PLCG2: variants seen among roughly 807,000 people sequenced by gnomAD.
The protein encoded by PLCG2 is phospholipase C gamma 2, also known as 1-phosphatidylinositol 4,5-bisphosphate phosphodiesterase gamma-2.
Under a neutral mutation model 175.6 loss-of-function variants are expected in PLCG2, and 69 were observed. The observed-to-expected ratio is 0.39, with a 90% CI of 0.32 to 0.48. The LOEUF (loss-of-function observed/expected upper bound fraction) is 0.48. Among genes scored for constraint, PLCG2 ranks in the 20% least tolerant of loss-of-function variants. The pLI, the probability that PLCG2 is intolerant of heterozygous loss-of-function variation, is 0.91. For synonymous variants in PLCG2, 827 were observed against 624.0 expected (o/e 1.33, Z -4.85); for missense variants, 1,798 against 1,650.9 (o/e 1.09, Z -1.54).
upstream of PLCG2, among the ~76,000 whole-genome samples, chr16:81,776,101 T>TCTTCTTTCTTTCTTTCTTTCTTTC (rs1910397888): frequency 1.8e-5 from 1 of 55,310 alleles, no homozygotes; most frequent in Non-Finnish European, 4.1e-5. Context: ...TTCTTTCTTT[T>TCTTCTTTCTTTCTTTCTTTCTTTC]TTTCCTTCTT....
At chr16:81,847,467 A>T (rs1444731636) in intron 2 of PLCG2, among the ~76,000 whole-genome samples, 1 of 151,912 alleles carries the variant, frequency 6.6e-6, no homozygotes, top group Admixed American at 6.6e-5. Context: ...CTCTAATCAC[A>T]TCGTTGGTTC....
At chr16:81,818,376 C>T (rs1041060279) in intron 2 of PLCG2, among the ~76,000 whole-genome samples, 2 of 152,218 alleles carry the variant, frequency 1.3e-5, no homozygotes, top group South Asian at 2.1e-4. Flanking sequence ...CTCTCTTTCT[C>T]AGACTGTCAG....
At chr16:81,799,267 G>C (rs1291567117) in intron 2 of PLCG2, among the ~76,000 whole-genome samples, 1 of 152,030 alleles carries the variant, frequency 6.6e-6, no homozygotes, top group Non-Finnish European at 1.5e-5. Context: ...TTAACACCTG[G>C]TGTACCACCT....
chr16:81,797,457 T>C (rs1384758761), intron 2 of PLCG2, among the ~76,000 whole-genome samples: 1 of 152,190 alleles, frequency 6.6e-6, no homozygotes, highest in African/African-American at 2.4e-5. Flanking sequence ...CCTGCTTTCA[T>C]GCAAGGCCCG....
At chr16:81,748,977 G>A (rs1216719600) in intron 1 of PLCG2, among the ~76,000 whole-genome samples, 1 of 152,206 alleles carries the variant, frequency 6.6e-6, no homozygotes, top group African/African-American at 2.4e-5. Flanking sequence ...ACTGAGGCCT[G>A]TGGCGGGGGG....
chr16:81,802,093 C>CTTTTTATTTTTTTTTT (rs1911748478), intron 2 of PLCG2, among the ~76,000 whole-genome samples: 1 of 40,012 alleles, frequency 2.5e-5, no homozygotes, highest in Non-Finnish European at 4.4e-5. Context: ...TGAGTACAGT[C>CTTTTTATTTTTTTTTT]TTTTTTTTTT....
At chr16:81,831,688 AG>A (rs763757989) in intron 2 of PLCG2, among the ~76,000 whole-genome samples, 8 of 152,088 alleles carry the variant, frequency 5.3e-5, no homozygotes, top group Non-Finnish European at 1.0e-4. Context: ...TCCTTGTGTT[AG>A]GGGGAACTTA....
intron 1 of PLCG2, among the ~76,000 whole-genome samples, chr16:81,780,360 G>C (rs1000053792): frequency 6.6e-6 from 1 of 152,208 alleles, no homozygotes; most frequent in East Asian, 1.9e-4. Flanking sequence ...GGTTCGCTGA[G>C]AATCGGGGCG....
At chr16:81,893,824 G>C in intron 12 of PLCG2, 30 bp downstream of exon 12, 1 of 1,437,612 alleles carries the variant, frequency 7.0e-7, no homozygotes, top group Non-Finnish European at 9.8e-7. Flanking sequence ...TGGAGGTCAG[G>C]CTCGCAGCAA....
intron 2 of PLCG2, among the ~76,000 whole-genome samples, chr16:81,852,443 G>T (rs1172086640): frequency 6.6e-6 from 1 of 151,248 alleles, no homozygotes; most frequent in Non-Finnish European, 1.5e-5. Flanking sequence ...GATGATTGTT[G>T]TTGTAGTTTT....
chr16:81,739,289 T>A (rs1458831864), exon 1 of PLCG2: 1 of 151,730 alleles, frequency 6.6e-6, no homozygotes, highest in African/African-American at 2.4e-5. Flanking sequence ...TAAGCCTCTA[T>A]CTGCTTACGT....
In PLCG2 at chr16:81,786,123, T is replaced by C; in HGVS notation, c.134T>C (p.Val45Ala). 3 of 1,614,134 alleles carry C rather than the reference T, an allele frequency of 1.9e-6. No homozygotes were observed. Among genetic ancestry groups the C allele is most frequent in the Non-Finnish European group, 2.5e-6 (3 of 1,180,036 alleles). Reference protein sequence around the residue: ...KSTPERRTVQVIMETRQVAWS... With the variant: ...KSTPERRTVQAIMETRQVAWS... Reference sequence around the variant, plus strand: ...ACCCCCGAGCGGAGAACCGTCCAGGTGATCATGGAGACGCGGCAGGTGGCC... The same window carrying C: ...ACCCCCGAGCGGAGAACCGTCCAGGCGATCATGGAGACGCGGCAGGTGGCC... The change falls in exon 2 of 33, where the codon GTG (valine) becomes GCG (alanine). Residue 45 changes from valine (V) to alanine (A), a missense_variant. By Grantham distance (64) the Val-to-Ala change is moderately conservative (BLOSUM62 0). Coordinates refer to ENST00000564138, the MANE Select transcript of PLCG2 (RefSeq NM_002661.5).
chr16:81,772,547 C>G (rs774968903), intron 2 of PLCG2, among the ~76,000 whole-genome samples: 1 of 151,904 alleles, frequency 6.6e-6, no homozygotes, highest in African/African-American at 2.4e-5. Context: ...CGGTGGCTCA[C>G]GCCTATAATC....
intron 19 of PLCG2, among the ~76,000 whole-genome samples, chr16:81,913,490 G>A (rs1909718277): frequency 6.6e-6 from 1 of 152,206 alleles, no homozygotes; most frequent in African/African-American, 2.4e-5. Flanking sequence ...AACTGAGTTT[G>A]AGGTTCAGAT....
chr16:81,802,093 CTTTTTTTTTTTTTTTTTTTTTTTTT>C (rs1157731599), intron 2 of PLCG2, among the ~76,000 whole-genome samples: 791 of 40,026 alleles, frequency 0.02, 18 homozygotes, highest in Admixed American at 0.033. Context: ...TGAGTACAGT[CTTTTTTTTTTTTTTTTTTTTTTTTT>C]TTTTTTTTTT....
chr16:81,902,547 A>G (rs887806704), intron 14 of PLCG2, among the ~76,000 whole-genome samples: 7 of 152,064 alleles, frequency 4.6e-5, no homozygotes, highest in Admixed American at 1.3e-4. Flanking sequence ...CCTCTTTTAT[A>G]AGGGCACCAT....
intron 7 of PLCG2, among the ~76,000 whole-genome samples, chr16:81,879,490 C>T (rs1004507927): frequency 6.6e-6 from 1 of 152,114 alleles, no homozygotes; most frequent in East Asian, 1.9e-4. Context: ...AAACACACAC[C>T]CACACAAACT....
At position 81,910,842 on chromosome 16, in the gene PLCG2, G is replaced by T. The variant is rs1007798825; in HGVS notation, c.1934+122G>T. On this transcript the variant is annotated intron_variant, in intron 18 of 32. Transcript: ENST00000564138. ...AGGACACCCTCTCCCCAGCCCACCG[G>T]CATCTCAAAATTGCCGAGGTGGCCA... 4.4e-6 allele frequency: 4 copies of T among 907,982 alleles called. No homozygotes were observed. In the African/African-American group the frequency reaches 6.5e-5, roughly 15 times the overall value. The allele number at this position is 907,982 out of a possible 1,614,324, so 56.2% of individuals were successfully genotyped here.
At chr16:81,858,173 C>T (rs1906779493) in intron 3 of PLCG2, 90 bp from the exon 4 acceptor site, 2 of 891,986 alleles carry the variant, frequency 2.2e-6, no homozygotes, top group Non-Finnish European at 3.8e-6. Flanking sequence ...AGGCTTCTCC[C>T]ATCTTCGTGA....
Sources: allele counts gnomAD v4.1 joint callset (sites outside exome capture counted in the v4.1 genomes callset), GRCh38; gene constraint gnomAD v4.1.1; transcripts MANE v1.5; gene names NCBI Gene and HGNC (gene_info 2026-07-23, HGNC 2026-07-21).